Variants in RBFOX1 observed in about 807,000 individuals in gnomAD.
RBFOX1 encodes RNA binding fox-1 homolog 1.
Under a neutral mutation model 57.7 loss-of-function variants are expected in RBFOX1, and 8 were observed. That is an observed-to-expected ratio of 0.14 (90% CI 0.08 to 0.25). The LOEUF is 0.25. RBFOX1 is among the 10% of genes least tolerant of loss of function. RBFOX1 has a pLI of 1.00. For synonymous variants in RBFOX1, 326 were observed against 222.4 expected (o/e 1.47, Z -4.15); for missense variants, 611 against 548.5 (o/e 1.11, Z -1.14).
intron 2 of RBFOX1, among the ~76,000 whole-genome samples, chr16:5,470,747 CT>C (rs1320582718): frequency 1.3e-5 from 2 of 152,120 alleles, no homozygotes; most frequent in African/African-American, 4.8e-5. Flanking sequence ...GATTTGAACC[CT>C]GGTCTGTCCG....
intron 2 of RBFOX1, among the ~76,000 whole-genome samples, chr16:5,542,118 C>A (rs2044980473): frequency 6.6e-6 from 1 of 152,084 alleles, no homozygotes; most frequent in African/African-American, 2.4e-5. Flanking sequence ...ATGATGGTAG[C>A]CGTCAGGTCC....
intron 2 of RBFOX1, among the ~76,000 whole-genome samples, chr16:5,543,475 C>G (rs1387923107): frequency 6.6e-6 from 1 of 152,024 alleles, no homozygotes; most frequent in African/African-American, 2.4e-5. Context: ...GCAACAGAAA[C>G]TGTCCAAAAT....
chr16:6,984,490 T>A (rs1253697299), intron 3 of RBFOX1, among the ~76,000 whole-genome samples: 1 of 152,150 alleles, frequency 6.6e-6, no homozygotes, highest in Non-Finnish European at 1.5e-5. Flanking sequence ...CAGGTTTTGT[T>A]ACTTGCAGCC....
intron 4 of RBFOX1, among the ~76,000 whole-genome samples, chr16:7,118,272 A>T (rs1172057178): frequency 6.6e-6 from 1 of 152,146 alleles, no homozygotes; most frequent in Non-Finnish European, 1.5e-5. Flanking sequence ...ACTTTTTAAC[A>T]GTGGTCATTC....
At chr16:5,984,002 TCTC>T (rs2060229753) in intron 4 of RBFOX1, among the ~76,000 whole-genome samples, 1 of 135,820 alleles carries the variant, frequency 7.4e-6, no homozygotes, top group Non-Finnish European at 1.6e-5. Context: ...TTCTTCTTCT[TCTC>T]CTTCCTCCTT....
At chr16:7,297,629 C>A (rs979403768) in intron 4 of RBFOX1, among the ~76,000 whole-genome samples, 8 of 151,902 alleles carry the variant, frequency 5.3e-5, no homozygotes, top group Non-Finnish European at 1.2e-4. Flanking sequence ...GGGAAAGTTA[C>A]CACCATTAAA....
At chr16:6,115,832 C>G (rs1219416489) in intron 1 of RBFOX1, among the ~76,000 whole-genome samples, 1 of 152,180 alleles carries the variant, frequency 6.6e-6, no homozygotes, top group African/African-American at 2.4e-5. Flanking sequence ...GGCCTCTGCT[C>G]TCCTGAGCTG....
chr16:5,257,905 GTCTAAC>G (rs1275873617), intron 1 of RBFOX1, among the ~76,000 whole-genome samples: 3 of 152,128 alleles, frequency 2.0e-5, no homozygotes, highest in African/African-American at 7.2e-5. Flanking sequence ...TTGAGACAGG[GTCTAAC>G]TCTGTCACCC....
intron 4 of RBFOX1, among the ~76,000 whole-genome samples, chr16:7,382,386 T>C (rs2097794782): frequency 6.6e-6 from 1 of 152,232 alleles, no homozygotes; most frequent in African/African-American, 2.4e-5. Context: ...AATGTATATT[T>C]TTCATATCTT....
intron 2 of RBFOX1, among the ~76,000 whole-genome samples, chr16:6,558,238 C>T (rs983288352): frequency 9.2e-5 from 14 of 152,016 alleles, no homozygotes; most frequent in African/African-American, 3.4e-4. Context: ...CTATGTGGCT[C>T]GTCCCCACCT....
intron 1 of RBFOX1, among the ~76,000 whole-genome samples, chr16:5,355,109 A>T (rs1013177603): frequency 2.6e-5 from 4 of 152,150 alleles, no homozygotes; most frequent in African/African-American, 9.7e-5. Context: ...GAGGGATTCA[A>T]TACTAGGGTC....
intron 4 of RBFOX1, among the ~76,000 whole-genome samples, chr16:7,235,352 T>G (rs1003510938): frequency 6.6e-6 from 1 of 152,192 alleles, no homozygotes; most frequent in Non-Finnish European, 1.5e-5. Flanking sequence ...GCTCTTGGCT[T>G]AGAACAGGGT....
chr16:5,431,883 C>T (rs560847399), intron 1 of RBFOX1, among the ~76,000 whole-genome samples: 3 of 152,208 alleles, frequency 2.0e-5, no homozygotes, highest in Non-Finnish European at 4.4e-5. Context: ...CTTCACGGAG[C>T]GGTACCTTCC....
intron 3 of RBFOX1, among the ~76,000 whole-genome samples, chr16:5,637,979 G>A (rs1428161068): frequency 6.6e-6 from 1 of 152,248 alleles, no homozygotes; most frequent in African/African-American, 2.4e-5. Context: ...CTACTCTGAT[G>A]ATGTCGGAAG....
intron 4 of RBFOX1, among the ~76,000 whole-genome samples, chr16:7,250,684 G>T (rs2094470633): frequency 6.6e-6 from 1 of 152,164 alleles, no homozygotes; most frequent in African/African-American, 2.4e-5. Flanking sequence ...ACGTCATACT[G>T]AATTTTCAGA....
At chr16:6,255,226 C>T (rs887988527) in intron 1 of RBFOX1, among the ~76,000 whole-genome samples, 2 of 152,122 alleles carry the variant, frequency 1.3e-5, no homozygotes, top group Non-Finnish European at 1.5e-5. Context: ...TTCTACCTGT[C>T]AACAGCACAC....
chr16:6,381,450 A>T (rs1266028957), intron 2 of RBFOX1, among the ~76,000 whole-genome samples: 1 of 152,186 alleles, frequency 6.6e-6, no homozygotes. Flanking sequence ...AACGGGCTTG[A>T]TGACCTTGCA....
intron 3 of RBFOX1, among the ~76,000 whole-genome samples, chr16:6,857,624 G>A (rs771529646): frequency 6.6e-6 from 1 of 152,120 alleles, no homozygotes; most frequent in Non-Finnish European, 1.5e-5. Context: ...TTTATTTTCA[G>A]TGTTAAACTG....
chr16:7,255,672 T>A (rs910489835), intron 4 of RBFOX1, among the ~76,000 whole-genome samples: 9 of 152,152 alleles, frequency 5.9e-5, no homozygotes, highest in Non-Finnish European at 1.3e-4. Flanking sequence ...GCAAAGTAAT[T>A]TTTTTAGTGG....
Sources: gnomAD v4.1 joint callset for allele counts (sites outside exome capture counted in the v4.1 genomes callset) on GRCh38, gnomAD v4.1.1 for gene constraint, MANE v1.5 for transcripts, NCBI Gene and HGNC (gene_info 2026-07-23, HGNC 2026-07-21) for gene names.